CPA5: variants seen among roughly 807,000 people sequenced by gnomAD.
CPA5 encodes the protein carboxypeptidase A5, also known as testicular tissue protein Li 32.
CPA5 carries 38 observed loss-of-function variants against 52.2 expected under a neutral mutation model. That is an observed-to-expected ratio of 0.73 (90% CI 0.56 to 0.95). CPA5 has a LOEUF of 0.95. Ranked by LOEUF, CPA5 falls within the 40% of genes least tolerant of loss-of-function variation. The pLI is 0.00. For missense variants in CPA5, 519 were observed against 566.7 expected (o/e 0.92, Z 0.86); for synonymous variants, 198 against 213.7 (o/e 0.93, Z 0.64).
intron 3 of CPA5, among the ~76,000 whole-genome samples, chr7:130,346,814 C>T (rs904762444): frequency 2.0e-5 from 3 of 152,114 alleles, no homozygotes; most frequent in Admixed American, 1.3e-4. Flanking sequence ...AGTTCTTAAT[C>T]CAGAGTCCAG....
chr7:130,355,426 T>C (rs576900665), intron 5 of CPA5, among the ~76,000 whole-genome samples: 15 of 152,178 alleles, frequency 9.9e-5, no homozygotes, highest in African/African-American at 2.9e-4. Context: ...TGTGTTTGTG[T>C]GATGGAGTCT....
intron 5 of CPA5, among the ~76,000 whole-genome samples, chr7:130,352,058 C>T (rs2117330560): frequency 6.6e-6 from 1 of 152,226 alleles, no homozygotes; most frequent in South Asian, 2.1e-4. Flanking sequence ...GTCAGTGGAA[C>T]TAATAGACAT....
chr7:130,367,571 G>T lies in CPA5; in HGVS notation c.1038G>T (p.Leu346Phe), dbSNP rs782570016. Residue 346 changes from leucine to phenylalanine, a missense_variant and splice_region_variant, in exon 11 of 13, where the codon TTG becomes TTT. By Grantham distance (22) the Leu-to-Phe change is conservative. Coordinates refer to ENST00000474905, the MANE Select transcript of CPA5 (RefSeq NM_080385.5). ...AGCCCGTTTCAAATCAGAGGGAGTT[G>T]GTGAGACTGGCTGCTTAGGGCCTGG... Reference protein sequence around the residue: ...LLEPVSNQRELYDLAKDAVEA... With the variant: ...LLEPVSNQREFYDLAKDAVEA... 2 of 1,613,510 alleles carry T rather than the reference G, an allele frequency of 1.2e-6. No individual in the cohort carries two copies. Among genetic ancestry groups the T allele is most frequent in the South Asian group, 1.1e-5 (1 of 91,018 alleles).
At chr7:130,373,270 C>T (rs1338138310), downstream of CPA5, among the ~76,000 whole-genome samples, 5 of 151,510 alleles carry the variant, frequency 3.3e-5, no homozygotes, top group Non-Finnish European at 5.9e-5. Context: ...CGTTTTTCAA[C>T]ATACTGCTTG....
At chr7:130,369,088 G>A (rs1409281908), downstream of CPA5, among the ~76,000 whole-genome samples, 2 of 152,180 alleles carry the variant, frequency 1.3e-5, no homozygotes, top group African/African-American at 4.8e-5. Flanking sequence ...TCCCATGCAG[G>A]GAGGGAGCAG....
At chr7:130,346,371 A>C in intron 2 of CPA5, 22 bp from the exon 3 acceptor site, 1 of 702,570 alleles carries the variant, frequency 1.4e-6, no homozygotes, top group Non-Finnish European at 2.3e-6. Context: ...GGTGCCCCAG[A>C]CAGCCTAATG....
At chr7:130,352,518 C>T (rs1795221595) in intron 5 of CPA5, among the ~76,000 whole-genome samples, 1 of 151,716 alleles carries the variant, frequency 6.6e-6, no homozygotes, top group Admixed American at 6.6e-5. Flanking sequence ...GGGGGGCTGG[C>T]CAGAGGAAGG....
At chr7:130,365,009 G>A (rs1258433754) in intron 10 of CPA5, among the ~76,000 whole-genome samples, 9 of 152,202 alleles carry the variant, frequency 5.9e-5, no homozygotes, top group African/African-American at 1.7e-4. Flanking sequence ...CACAGGGGAC[G>A]GTGTCATTGC....
chr7:130,356,867 G>T (rs1466527183), intron 5 of CPA5, among the ~76,000 whole-genome samples: 2 of 152,202 alleles, frequency 1.3e-5, no homozygotes, highest in Non-Finnish European at 2.9e-5. Flanking sequence ...CTCACAGCTG[G>T]CAGGCTGCTG....
rs1554402264 is a variant in CPA5 at position 130,346,589 on chromosome 7, T to A, written c.104T>A (p.Met35Lys). The A allele has an allele frequency of 6.2e-7, 1 of 1,613,700 alleles. No homozygotes were observed. Among genetic ancestry groups the A allele is most frequent in the Non-Finnish European group, 8.5e-7 (1 of 1,179,720 alleles). ...ATCCTGGCAGCAGCTTTGGGCCAAATGAATTTCACAGGGTGAGTGGCTGCT... is the reference window on the plus strand; with the variant it reads ...ATCCTGGCAGCAGCTTTGGGCCAAAAGAATTTCACAGGGTGAGTGGCTGCT... Reference protein sequence around the residue: ...SFILAAALGQMNFTGDQVLRV... With the variant: ...SFILAAALGQKNFTGDQVLRV... The change falls in exon 3 of 13, where the codon ATG becomes AAG. Residue 35 changes from methionine (M) to lysine (K), a missense_variant. By Grantham distance (95) the Met-to-Lys change is moderately conservative. Transcript: ENST00000474905.
At chr7:130,355,638 G>A (rs1309662712) in intron 5 of CPA5, among the ~76,000 whole-genome samples, 1 of 152,186 alleles carries the variant, frequency 6.6e-6, no homozygotes, top group Non-Finnish European at 1.5e-5. Flanking sequence ...AACTCCGGAG[G>A]CCTCAAGTGA....
At chr7:130,366,811 G>C (rs987305379) in intron 10 of CPA5, among the ~76,000 whole-genome samples, 2 of 152,302 alleles carry the variant, frequency 1.3e-5, no homozygotes, top group South Asian at 4.2e-4. Flanking sequence ...GGGAAGCCAG[G>C]GTTGGGGCAG....
At chr7:130,355,731 T>C (rs1204605871) in intron 5 of CPA5, among the ~76,000 whole-genome samples, 1 of 152,146 alleles carries the variant, frequency 6.6e-6, no homozygotes, top group Non-Finnish European at 1.5e-5. Flanking sequence ...TTTTAAAGTA[T>C]GTGATAAAGT....
At chr7:130,359,722 T>TTAGG in intron 6 of CPA5, 35 bp downstream of exon 6, 1 of 1,468,654 alleles carries the variant, frequency 6.8e-7, no homozygotes, top group South Asian at 1.2e-5. Flanking sequence ...GGCTCTCTTG[T>TTAGG]GTCTTTGGGC....
rs373843590 is a variant in CPA5 at position 130,346,536 on chromosome 7, C to T, written c.51C>T (p.Asp17=). 5.8e-5 allele frequency: 93 copies of T among 1,613,922 alleles called. No homozygotes were observed. Among genetic ancestry groups the T allele is most frequent in the Admixed American group, 1.2e-4 (7 of 60,000 alleles). ...CGCGCCCTGGGCCATCCCCCGTGGACAGGCGGACACTCCTGGTCTTCAGCT... is the reference window on the plus strand; with the variant it reads ...CGCGCCCTGGGCCATCCCCCGTGGATAGGCGGACACTCCTGGTCTTCAGCT... ...GGTRPGPSPV[D]RRTLLVFSFI... Residue 17 remains aspartate, a synonymous_variant, in exon 3 of 13, where the codon GAC becomes GAT. Transcript: ENST00000474905.
At chr7:130,353,157 C>T (rs1795275159) in intron 5 of CPA5, among the ~76,000 whole-genome samples, 1 of 152,112 alleles carries the variant, frequency 6.6e-6, no homozygotes, top group Non-Finnish European at 1.5e-5. Flanking sequence ...CCTCTCCCCT[C>T]CAGCCATCAC....
Position 130,352,437 on chromosome 7 carries a change from C to T in CPA5, c.333+2328C>T, listed in dbSNP as rs573031758. Among the ~76,000 whole-genome samples, 159 of 151,472 alleles carry T rather than the reference C, an allele frequency of 1.0e-3. 2 individuals are homozygous for T. Among genetic ancestry groups the T allele is most frequent in the Non-Finnish European group, 1.7e-3 (115 of 67,938 alleles). ...GGAGTGAGGGCGGTTGCTATGGGAG[C>T]GCATACAAGAGGCACTGCACGCCGT... On this transcript the variant is annotated intron_variant, in intron 5 of 12. Transcript: ENST00000474905.
chr7:130,357,312 CG>C (rs755641772), intron 5 of CPA5, among the ~76,000 whole-genome samples: 1 of 151,986 alleles, frequency 6.6e-6, no homozygotes, highest in African/African-American at 2.4e-5. Flanking sequence ...CTCTTCCTGA[CG>C]GGGGTGGAAG....
rs1795840755 is a variant in CPA5, at chr7:130,362,458, G to C, written c.555G>C (p.Arg185=). Residue 185 remains arginine (R), a synonymous_variant, in exon 8 of 13, where the codon CGG becomes CGC. Transcript: ENST00000474905. ...CTCAGTTCAGCACTGGAGGTTCTCG[G>C]CACCCAGCCATCTGGATTGACACTG... is the stretch of plus-strand genomic sequence containing the variant. ...LVLKFSTGGS[R]HPAIWIDTGI... 6.2e-7 allele frequency: 1 copy of C among 1,613,042 alleles called. No individual in the cohort carries two copies. The highest frequency in any genetic ancestry group is 8.5e-7 in the Non-Finnish European group (1 of 1,179,238).
Sources: gnomAD v4.1 joint callset for allele counts (sites outside exome capture counted in the v4.1 genomes callset) on GRCh38, gnomAD v4.1.1 for gene constraint, MANE v1.5 for transcripts, NCBI Gene and HGNC (gene_info 2026-07-23, HGNC 2026-07-21) for gene names.